The following DNAJB1 variants were observed in gnomAD, a reference collection of about 807,000 sequenced individuals.
The protein encoded by DNAJB1 is dnaJ homolog subfamily B member 1.
DNAJB1 carries 14 observed loss-of-function variants against 24.0 expected under a neutral mutation model. The ratio of observed to expected loss-of-function variants is 0.58; its 90% CI spans 0.39 to 0.91. The LOEUF (loss-of-function observed/expected upper bound fraction) is 0.91, where lower values mean the gene tolerates loss of function less well. Ranked by LOEUF, DNAJB1 falls within the 40% of genes least tolerant of loss-of-function variation. The pLI, the probability that DNAJB1 is intolerant of heterozygous loss-of-function variation, is 0.00. For missense variants in DNAJB1, 517 were observed against 458.1 expected (o/e 1.13, Z -1.17); for synonymous variants, 262 against 174.4 (o/e 1.50, Z -3.96).
intron 1 of DNAJB1, among the ~76,000 whole-genome samples, chr19:14,549,369 T>C (rs763324795): frequency 2.0e-4 from 30 of 152,106 alleles, no homozygotes; most frequent in South Asian, 8.4e-4. Flanking sequence ...TGCGCCACCA[T>C]GCCCAGCTAA....
chr19:14,518,345 C>A lies in DNAJB1; in HGVS notation c.5G>T (p.Gly2Val). Residue 2 changes from glycine (G) to valine (V), a missense_variant, in exon 1 of 3, where the codon GGT (glycine) becomes GTT (valine). Transcript: ENST00000254322. M[G>V]KDYYQTLGLA... ...GCCCAACGTCTGGTAGTAGTCTTTA[C>A]CCATGACCCCCTCCTGCGGCCCGCC... The A allele has an allele frequency of 1.3e-6, 2 of 1,567,558 alleles. No individual in the cohort carries two copies. Among genetic ancestry groups the A allele is most frequent in the African/African-American group, 1.4e-5 (1 of 72,954 alleles).
intron 1 of DNAJB1, among the ~76,000 whole-genome samples, chr19:14,541,899 C>T (rs2073108051): frequency 6.6e-6 from 1 of 151,896 alleles, no homozygotes; most frequent in African/African-American, 2.4e-5. Flanking sequence ...TCTCCTGCCT[C>T]AGCCTCCCGA....
chr19:14,518,843 G>A (rs1384677944), upstream of DNAJB1, among the ~76,000 whole-genome samples: 2 of 152,244 alleles, frequency 1.3e-5, no homozygotes, highest in African/African-American at 4.8e-5. Context: ...GTCTCGTGGG[G>A]CCTGCGGTGG....
upstream of DNAJB1, among the ~76,000 whole-genome samples, chr19:14,522,869 A>G (rs1208957717): frequency 6.6e-6 from 1 of 152,162 alleles, no homozygotes; most frequent in East Asian, 1.9e-4. Context: ...GATCTTCCAC[A>G]GCCTGCTTGA....
intron 1 of DNAJB1, among the ~76,000 whole-genome samples, chr19:14,541,823 C>T (rs1366995653): frequency 6.6e-6 from 1 of 151,114 alleles, no homozygotes; most frequent in Admixed American, 6.6e-5. Flanking sequence ...ACTCTTGTCA[C>T]CAAGGCTGGA....
intron 1 of DNAJB1, among the ~76,000 whole-genome samples, chr19:14,546,457 C>T (rs909893140): frequency 5.3e-5 from 8 of 152,164 alleles, no homozygotes; most frequent in East Asian, 1.9e-4. Flanking sequence ...TGCAGTGGCA[C>T]GTGTCTGTAA....
chr19:14,554,658 G>A (rs184699409), upstream of DNAJB1, among the ~76,000 whole-genome samples: 1 of 152,236 alleles, frequency 6.6e-6, no homozygotes, highest in African/African-American at 2.4e-5. Flanking sequence ...TCCAGCCTTG[G>A]CTCAGGTGGT....
upstream of DNAJB1, chr19:14,531,566 T>G (rs1021522758): frequency 2.0e-5 from 3 of 151,406 alleles, no homozygotes; most frequent in African/African-American, 7.3e-5. Context: ...GGAATTACAG[T>G]CATGAGCCAC....
chr19:14,519,681 C>T (rs541053402), upstream of DNAJB1, among the ~76,000 whole-genome samples: 6 of 152,310 alleles, frequency 3.9e-5, no homozygotes, highest in East Asian at 1.2e-3. Flanking sequence ...CACTGGGTCC[C>T]CAGTGCCTGG....
chr19:14,521,847 C>A (rs983220293), upstream of DNAJB1, among the ~76,000 whole-genome samples: 1 of 152,188 alleles, frequency 6.6e-6, no homozygotes, highest in African/African-American at 2.4e-5. Flanking sequence ...GTCTTGAACT[C>A]CTGACCTCAG....
At chr19:14,538,875 G>A (rs1227224316) in intron 1 of DNAJB1, among the ~76,000 whole-genome samples, 2 of 151,930 alleles carry the variant, frequency 1.3e-5, no homozygotes, top group Non-Finnish European at 2.9e-5. Context: ...CCAGGCGCCA[G>A]GAGACAGACT....
intron 1 of DNAJB1, among the ~76,000 whole-genome samples, chr19:14,542,063 G>A (rs1184363650): frequency 2.0e-5 from 3 of 152,038 alleles, no homozygotes; most frequent in Non-Finnish European, 4.4e-5. Flanking sequence ...GATTACAGGC[G>A]TGAGCCACTG....
At chr19:14,517,829 C>T (rs764224642) in intron 1 of DNAJB1, 5 of 284,646 alleles carry the variant, frequency 1.8e-5, no homozygotes, top group African/African-American at 1.1e-4. Context: ...GCGCCGTCCC[C>T]GTCGTCACCC....
rs1235940271 is a variant in DNAJB1, at chr19:14,529,208, ACCT to A, written c.-176_-175+1del. The stretch of plus-strand genomic sequence containing the variant: ...TCCCGGTGTACCCCGGGGGCCGCCC[ACCT>A]CAGAATTTACCCCTTCGGCGCCGCC... On this transcript the variant is annotated splice_donor_variant and 5_prime_UTR_variant, in exon 1 of 4. Coordinates refer to the DNAJB1 transcript ENST00000396969. LOFTEE classifies it low-confidence loss of function (5UTR_SPLICE). 1 of 243,176 alleles carries A rather than the reference ACCT, an allele frequency of 4.1e-6. No homozygotes were observed. Among genetic ancestry groups the A allele is most frequent in the Admixed American group, 4.9e-5 (1 of 20,454 alleles). 15.1% of individuals were successfully genotyped at this position (243,176 alleles called of 1,614,324 possible). A position where few individuals can be genotyped will look rare whatever the true frequency, so the allele number is the denominator to read the frequency against.
In DNAJB1 at chr19:14,536,209, T is replaced by C. The variant is rs375262629; in HGVS notation, c.-213-8399A>G. 1.1e-4 allele frequency among the ~76,000 whole-genome samples: 17 copies of C among 152,130 alleles called. No homozygotes were observed. In the East Asian group the frequency reaches 1.7e-3, roughly 16 times the overall value. ...TTGGATCAGTGCTAGGCTCATATGC[T>C]TAACTGCCACTGACAAGGTTTGGAG... On this transcript the variant is annotated intron_variant, in intron 1 of 3. Coordinates refer to the DNAJB1 transcript ENST00000676982.
In DNAJB1 at chr19:14,515,897, G is replaced by C; in HGVS notation, c.*43C>G. On this transcript the variant is annotated 3_prime_UTR_variant, in exon 3 of 3. Coordinates refer to ENST00000254322, the MANE Select transcript of DNAJB1 (RefSeq NM_006145.3). The stretch of plus-strand genomic sequence containing the variant: ...GGTAGAAAGGTCCAGAAATCCTTGA[G>C]CTCTGGAAAGGTCCCTGGTCAGTCC... 3.2e-6 allele frequency: 5 copies of C among 1,577,728 alleles called. No individual in the cohort carries two copies. Among genetic ancestry groups the C allele is most frequent in the Non-Finnish European group, 4.3e-6 (5 of 1,158,146 alleles).
At position 14,516,856 on chromosome 19, in the gene DNAJB1, G is replaced by A. The variant is rs1802107442; in HGVS notation, c.402C>T (p.Phe134=). The stretch of plus-strand genomic sequence containing the variant: ...TGGTGAAGCCACCCATGCCCATAGG[G>A]AAGCCAGAGAATGGGTCATCAATGT... ...GMDIDDPFSG[F]PMGMGGFTNV... is the part of the protein sequence containing the mutation. The change falls in exon 2 of 3, where the codon TTC becomes TTT. Residue 134 remains phenylalanine (F), a synonymous_variant. Coordinates refer to ENST00000254322, the MANE Select transcript of DNAJB1 (RefSeq NM_006145.3). 1.2e-6 allele frequency: 2 copies of A among 1,613,988 alleles called. No individual in the cohort carries two copies. Among genetic ancestry groups the A allele is most frequent in the Non-Finnish European group, 1.7e-6 (2 of 1,180,026 alleles).
chr19:14,534,840 C>T (rs541450951), intron 1 of DNAJB1, among the ~76,000 whole-genome samples: 41 of 152,310 alleles, frequency 2.7e-4, no homozygotes, highest in Admixed American at 1.2e-3. Context: ...GTCAAGGTCA[C>T]AGAGCCTGGA....
At chr19:14,529,690 G>A (rs1011784923), upstream of DNAJB1, 1 of 1,614,110 alleles carries the variant, frequency 6.2e-7, no homozygotes, top group South Asian at 1.1e-5. Context: ...CGCCGTGGGA[G>A]GGAGCCATGA....
Sources: allele counts gnomAD v4.1 joint callset (sites outside exome capture counted in the v4.1 genomes callset), GRCh38; gene constraint gnomAD v4.1.1; transcripts MANE v1.5; gene names NCBI Gene and HGNC (gene_info 2026-07-23, HGNC 2026-07-21).